Variants in PAPPA2 observed in about 807,000 individuals in gnomAD.
The protein encoded by PAPPA2 is pappalysin-2.
Under a neutral mutation model 176.4 loss-of-function variants are expected in PAPPA2, and 86 were observed. The observed-to-expected ratio is 0.49, with a 90% confidence interval of 0.41 to 0.58. The LOEUF (loss-of-function observed/expected upper bound fraction) is 0.58. Ranked by LOEUF, PAPPA2 falls within the 20% of genes least tolerant of loss-of-function variation. The probability of loss-of-function intolerance (pLI) is 0.00; values close to 1 mark genes in which losing one functional copy is unlikely to be tolerated. For synonymous variants in PAPPA2, 809 were observed against 852.2 expected, an observed-to-expected ratio of 0.95 and a Z score of 0.88; for missense variants, 2,073 against 2,256.9, an observed-to-expected ratio of 0.92 and a Z score of 1.65.
intron 1 of PAPPA2, among the ~76,000 whole-genome samples, chr1:176,478,964 C>T (rs2102475763): frequency 6.6e-6 from 1 of 152,322 alleles, no homozygotes; most frequent in African/African-American, 2.4e-5. Flanking sequence ...CTAAGTTATA[C>T]AGGGCCTTGA....
At chr1:176,576,279 G>A (rs1230920852) in intron 2 of PAPPA2, among the ~76,000 whole-genome samples, 1 of 152,150 alleles carries the variant, frequency 6.6e-6, no homozygotes, top group Non-Finnish European at 1.5e-5. Context: ...TAATGGACAA[G>A]AGTTTTAATC....
chr1:176,540,850 T>G (rs78337574), intron 1 of PAPPA2, among the ~76,000 whole-genome samples: 21,748 of 152,136 alleles, frequency 0.14, 1,763 homozygotes, highest in African/African-American at 0.2. Context: ...CAGAGACAAC[T>G]AGAGCCTCCC....
intron 21 of PAPPA2, among the ~76,000 whole-genome samples, chr1:176,838,207 C>T (rs16850237): frequency 0.012 from 1,782 of 152,214 alleles, 48 homozygotes; most frequent in African/African-American, 0.04. Flanking sequence ...AGATTAGAAG[C>T]GACCCTTGTT....
chr1:176,530,794 G>A (rs1333469960), intron 1 of PAPPA2, among the ~76,000 whole-genome samples: 2 of 152,192 alleles, frequency 1.3e-5, no homozygotes, highest in East Asian at 3.8e-4. Context: ...TATATTAGGG[G>A]CATACATTTC....
At chr1:176,822,645 A>T (rs1340219139) in intron 21 of PAPPA2, among the ~76,000 whole-genome samples, 4 of 152,198 alleles carry the variant, frequency 2.6e-5, no homozygotes, top group Non-Finnish European at 1.5e-5. Context: ...AACTGCAAGG[A>T]TCTCCTACGT....
chr1:176,734,348 T>C (rs979125989), intron 12 of PAPPA2, among the ~76,000 whole-genome samples: 2 of 151,626 alleles, frequency 1.3e-5, no homozygotes, highest in African/African-American at 4.8e-5. Context: ...TTATAGTGGT[T>C]CCCCCTTCAT....
At chr1:176,810,248 T>C (rs553701002) in intron 21 of PAPPA2, among the ~76,000 whole-genome samples, 11 of 152,098 alleles carry the variant, frequency 7.2e-5, no homozygotes, top group Non-Finnish European at 1.2e-4. Context: ...CAGGCAGTTT[T>C]GCATTCATCC....
intron 12 of PAPPA2, among the ~76,000 whole-genome samples, chr1:176,735,259 C>T (rs1662344089): frequency 2.0e-5 from 3 of 152,096 alleles, no homozygotes; most frequent in Non-Finnish European, 4.4e-5. Context: ...AAGGTGATGC[C>T]TGCCTACTTT....
intron 3 of PAPPA2, among the ~76,000 whole-genome samples, chr1:176,644,093 T>C (rs1014441378): frequency 4.0e-5 from 6 of 151,832 alleles, no homozygotes; most frequent in Admixed American, 2.0e-4. Flanking sequence ...TTACAAATGA[T>C]AATATAAAAG....
At chr1:176,479,151 G>A (rs559391358) in intron 1 of PAPPA2, among the ~76,000 whole-genome samples, 1 of 152,236 alleles carries the variant, frequency 6.6e-6, no homozygotes, top group South Asian at 2.1e-4. Flanking sequence ...TCCCCATTTT[G>A]AAGATGAGGA....
chr1:176,494,271 C>T (rs902827736), intron 1 of PAPPA2, among the ~76,000 whole-genome samples: 1 of 152,148 alleles, frequency 6.6e-6, no homozygotes, highest in African/African-American at 2.4e-5. Context: ...TGAATTAGGG[C>T]TATGTGTTAG....
intron 6 of PAPPA2, among the ~76,000 whole-genome samples, chr1:176,694,149 T>C (rs751823672): frequency 6.6e-6 from 1 of 152,168 alleles, no homozygotes; most frequent in African/African-American, 2.4e-5. Flanking sequence ...GGAACCCTTA[T>C]GTCAGAGAAG....
At chr1:176,594,386 T>G in intron 2 of PAPPA2, 138 bp from the exon 3 acceptor site, 1 of 712,594 alleles carries the variant, frequency 1.4e-6, no homozygotes. Context: ...GCATCTCAGG[T>G]GAGAAATCTG....
At chr1:176,778,095 C>T (rs889596021) in intron 17 of PAPPA2, among the ~76,000 whole-genome samples, 16 of 149,394 alleles carry the variant, frequency 1.1e-4, no homozygotes, top group African/African-American at 3.7e-4. Context: ...AATTGGCATT[C>T]GAGGTCAGAG....
chr1:176,495,488 G>A (rs10753128), intron 1 of PAPPA2, among the ~76,000 whole-genome samples: 2 of 149,106 alleles, frequency 1.3e-5, no homozygotes, highest in Non-Finnish European at 3.0e-5. Flanking sequence ...TGCAGTGAGC[G>A]AAGATCATGC....
At chr1:176,685,979 G>A (rs752741536) in intron 4 of PAPPA2, among the ~76,000 whole-genome samples, 2 of 152,134 alleles carry the variant, frequency 1.3e-5, no homozygotes, top group Non-Finnish European at 2.9e-5. Flanking sequence ...GTGTGTCTCA[G>A]TGAGTAATGA....
intron 1 of PAPPA2, among the ~76,000 whole-genome samples, chr1:176,548,831 A>G (rs571750529): frequency 6.6e-6 from 1 of 152,160 alleles, no homozygotes; most frequent in South Asian, 2.1e-4. Context: ...AATGGGGATG[A>G]AAATGGGCTA....
chr1:176,568,325 G>T (rs1341026297), intron 2 of PAPPA2, among the ~76,000 whole-genome samples: 2 of 152,172 alleles, frequency 1.3e-5, no homozygotes, highest in Non-Finnish European at 1.5e-5. Flanking sequence ...AAGTGGTTCT[G>T]TAGCACTTAC....
At chr1:176,472,840 A>T (rs1651944814) in intron 1 of PAPPA2, among the ~76,000 whole-genome samples, 1 of 152,062 alleles carries the variant, frequency 6.6e-6, no homozygotes, top group African/African-American at 2.4e-5. Context: ...ACTTTTTGTG[A>T]TTTTTGTTTC....
Sources: allele counts gnomAD v4.1 joint callset (sites outside exome capture counted in the v4.1 genomes callset), GRCh38; gene constraint gnomAD v4.1.1; transcripts MANE v1.5; gene names NCBI Gene and HGNC (gene_info 2026-07-23, HGNC 2026-07-21).